Variants in EEF1A2 observed in about 807,000 individuals in gnomAD.
The protein encoded by EEF1A2 is eukaryotic translation elongation factor 1 alpha 2.
A neutral mutation model predicts 39.3 loss-of-function variants in EEF1A2; 5 were observed. That is an observed-to-expected ratio of 0.13 (90% CI 0.07 to 0.27). The LOEUF (loss-of-function observed/expected upper bound fraction) is 0.27. Ranked by LOEUF, EEF1A2 falls within the 10% of genes least tolerant of loss-of-function variation. The pLI, the probability that EEF1A2 is intolerant of heterozygous loss-of-function variation, is 1.00. For synonymous variants in EEF1A2, 287 were observed against 293.7 expected (o/e 0.98, Z 0.23); for missense variants, 218 against 681.4 (o/e 0.32, Z 7.57).
At chr20:63,492,528 GGATGGAAGGATGGATGGATGGATA>G in intron 5 of EEF1A2, among the ~76,000 whole-genome samples, 1 of 132,518 alleles carries the variant, frequency 7.5e-6, no homozygotes, top group Non-Finnish European at 1.7e-5. Flanking sequence ...GTGGATGGAT[GGATGGAAGGATGGATGGATGGATA>G]GAGAGAAGGA....
At chr20:63,492,370 A>C in intron 5 of EEF1A2, among the ~76,000 whole-genome samples, 1 of 150,512 alleles carries the variant, frequency 6.6e-6, no homozygotes, top group South Asian at 2.1e-4. Context: ...GGATGGATAG[A>C]GAGAAGGATG....
intron 5 of EEF1A2, among the ~76,000 whole-genome samples, chr20:63,492,362 AT>A (rs2082388991): frequency 6.6e-6 from 1 of 151,438 alleles, no homozygotes; most frequent in African/African-American, 2.4e-5. Flanking sequence ...CAATAGATGG[AT>A]GGATAGAGAG....
intron 5 of EEF1A2, among the ~76,000 whole-genome samples, chr20:63,492,104 AGATGGATGGATG>A (rs1294998878): frequency 1.9e-5 from 1 of 51,372 alleles, no homozygotes; most frequent in Non-Finnish European, 3.8e-5. Context: ...GTGGATGGGG[AGATGGATGGATG>A]GATGGATGGA....
In EEF1A2 at chr20:63,493,195, G is replaced by A. The variant is rs557317848; in HGVS notation, c.714C>T (p.Pro238=). ...LLEALDTILP[P]TRPTDKPLRL... ...GCAGGGGCTTGTCCGTGGGGCGCGT[G>A]GGGGGCAGGATGGTGTCCAGGGCCT... The change falls in exon 5 of 8, where the codon CCC becomes CCT. Residue 238 remains proline, a synonymous_variant. Coordinates refer to ENST00000217182, the MANE Select transcript of EEF1A2 (RefSeq NM_001958.5). The A allele has an allele frequency of 4.8e-5, 74 of 1,548,548 alleles. No homozygotes were observed. The African/African-American group carries it at 7.5e-4, about 16-fold the overall frequency.
At chr20:63,492,549 GAT>G (rs2082392945) in intron 5 of EEF1A2, among the ~76,000 whole-genome samples, 1 of 144,714 alleles carries the variant, frequency 6.9e-6, no homozygotes, top group Non-Finnish European at 1.5e-5. Context: ...TGGATGGATG[GAT>G]AGAGAGAAGG....
chr20:63,493,044 G>A (rs528479001), intron 5 of EEF1A2, 93 bp downstream of exon 5: 216 of 1,450,706 alleles, frequency 1.5e-4, no homozygotes, highest in Non-Finnish European at 1.9e-4. Context: ...AGAGATTGGA[G>A]ACAGCCCAGT....
chr20:63,488,606 G>C (rs1394996088), intron 7 of EEF1A2, among the ~76,000 whole-genome samples, 181 bp from the exon 8 acceptor site: 2 of 152,154 alleles, frequency 1.3e-5, no homozygotes, highest in East Asian at 3.9e-4. Context: ...GCTGCTCCAC[G>C]GTCTGCGGGG....
At chr20:63,492,125 G>C (rs2082385767) in intron 5 of EEF1A2, among the ~76,000 whole-genome samples, 3 of 125,970 alleles carry the variant, frequency 2.4e-5, no homozygotes, top group Non-Finnish European at 3.6e-5. Flanking sequence ...TGGATGGATG[G>C]ATGGGGAAGT....
intron 7 of EEF1A2, 47 bp from the exon 8 acceptor site, chr20:63,488,472 C>T (rs1003923537): frequency 7.3e-7 from 1 of 1,361,136 alleles, no homozygotes; most frequent in Non-Finnish European, 9.5e-7. Flanking sequence ...GGACTTGACC[C>T]CCCCCAACCC....
intron 5 of EEF1A2, among the ~76,000 whole-genome samples, chr20:63,491,371 G>A (rs996247810): frequency 6.6e-6 from 1 of 152,210 alleles, no homozygotes; most frequent in Admixed American, 6.5e-5. Flanking sequence ...TGCCACATGG[G>A]GGTCTTGTCC....
rs1374132664 is a variant in EEF1A2, at chr20:63,497,915, C to G, written c.-71-81G>C. ...CCAGCAGAGACTGTCCTGGCACAGG[C>G]TGGACAGGCATCCCTGCCCACAAAC... On this transcript the variant is annotated intron_variant, in intron 1 of 7. Coordinates refer to ENST00000217182, the MANE Select transcript of EEF1A2 (RefSeq NM_001958.5). The surrounding 1 kb of genome is among the most constrained non-coding windows in gnomAD (Gnocchi z 7.3). The G allele has an allele frequency of 9.3e-7, 1 of 1,077,024 alleles. No homozygotes were observed. Among genetic ancestry groups the G allele is most frequent in the Non-Finnish European group, 1.3e-6 (1 of 767,828 alleles). 66.7% of individuals were successfully genotyped at this position (1,077,024 alleles called of 1,614,324 possible).
intron 3 of EEF1A2, 43 bp downstream of exon 3, chr20:63,495,813 G>T: frequency 6.2e-7 from 1 of 1,603,296 alleles, no homozygotes; most frequent in Non-Finnish European, 8.5e-7. Context: ...CTTGAAGGGT[G>T]CAGCGGCCTC....
intron 6 of EEF1A2, 163 bp downstream of exon 6, chr20:63,490,316 C>T (rs944637496): frequency 1.9e-5 from 16 of 841,074 alleles, no homozygotes; most frequent in African/African-American, 5.1e-5. Context: ...CTGCCCGCCT[C>T]GGCCTCTCAA....
chr20:63,490,362 G>A lies in EEF1A2; in HGVS notation c.1029+117C>T. ...TTACAGGCGTGAACCACTGCGCCCA[G>A]CCTGAGGGTCTGGTTTTCTCCCCAC... On this transcript the variant is annotated intron_variant, in intron 6 of 7. Transcript: ENST00000217182. 1.1e-5 allele frequency: 15 copies of A among 1,367,610 alleles called. No individual in the cohort carries two copies. In the South Asian group the frequency reaches 2.1e-4, roughly 19 times the overall value. The allele number at this position is 1,367,610 out of a possible 1,614,324, so 84.7% of individuals were successfully genotyped here.
intron 4 of EEF1A2, 125 bp from the exon 5 acceptor site, chr20:63,493,412 G>A: frequency 1.7e-6 from 2 of 1,186,758 alleles, no homozygotes; most frequent in Non-Finnish European, 2.3e-6. Flanking sequence ...CCTTTGAGAT[G>A]AGGAATTTCC....
chr20:63,492,533 GA>G, intron 5 of EEF1A2, among the ~76,000 whole-genome samples: 1 of 151,134 alleles, frequency 6.6e-6, no homozygotes, highest in South Asian at 2.1e-4. Context: ...TGGATGGATG[GA>G]AGGATGGATG....
rs2082428092 is a variant in EEF1A2 at position 63,498,379 on chromosome 20, T to TGC, written c.-71-547_-71-546dup. ...GGCTGGGCCAGAGCCCCGACGGAGA[T>TGC]GCGCTGCCCAGATTAGGAACCCAGA... On this transcript the variant is annotated intron_variant, in intron 1 of 7. Coordinates refer to ENST00000217182, the MANE Select transcript of EEF1A2 (RefSeq NM_001958.5). The surrounding 1 kb of genome is among the most constrained non-coding windows in gnomAD (Gnocchi z 4.1). 6.6e-6 allele frequency: 1 copy of TGC among 152,326 alleles called. No homozygotes were observed. 9.4% of individuals were successfully genotyped at this position (152,326 alleles called of 1,614,324 possible).
intron 7 of EEF1A2, 82 bp downstream of exon 7, chr20:63,488,836 G>A: frequency 6.9e-7 from 1 of 1,448,768 alleles, no homozygotes; most frequent in Non-Finnish European, 9.4e-7. Context: ...TGTCCCCAGC[G>A]CCCCATCCCC....
intron 6 of EEF1A2, chr20:63,490,259 G>A: frequency 3.7e-6 from 2 of 538,292 alleles, no homozygotes; most frequent in Non-Finnish European, 6.5e-6. Context: ...TAGAGACGGG[G>A]TTTCACCATG....
Sources: gnomAD v4.1 joint callset for allele counts (sites outside exome capture counted in the v4.1 genomes callset) on GRCh38, gnomAD v4.1.1 for gene constraint, Gnocchi (gnomAD v3.1) non-coding constraint, MANE v1.5 for transcripts, NCBI Gene and HGNC (gene_info 2026-07-23, HGNC 2026-07-21) for gene names.